KPNA4: variants seen among roughly 807,000 people sequenced by gnomAD.
KPNA4 encodes the protein karyopherin subunit alpha 4, also known as importin subunit alpha-3.
A neutral mutation model predicts 71.3 loss-of-function variants in KPNA4; 13 were observed. That is an observed-to-expected ratio of 0.18 (90% CI 0.12 to 0.29). KPNA4 has a LOEUF of 0.29. Ranked by LOEUF, KPNA4 falls within the 10% of genes least tolerant of loss-of-function variation. The probability of loss-of-function intolerance (pLI) is 1.00; values close to 1 mark genes in which losing one functional copy is unlikely to be tolerated. For missense variants in KPNA4, 334 were observed against 603.2 expected (o/e 0.55, Z 4.67); for synonymous variants, 189 against 195.2 (o/e 0.97, Z 0.26).
At chr3:160,546,574 G>C (rs1210973484) in intron 1 of KPNA4, among the ~76,000 whole-genome samples, 1 of 152,170 alleles carries the variant, frequency 6.6e-6, no homozygotes. Context: ...TATTTTTTAA[G>C]GAACCACAAT....
intron 14 of KPNA4, among the ~76,000 whole-genome samples, chr3:160,509,501 T>C (rs1007461303): frequency 2.6e-5 from 4 of 152,214 alleles, no homozygotes; most frequent in Admixed American, 6.5e-5. Context: ...AGAACACTTC[T>C]ATGAAGTATG....
chr3:160,556,519 CATT>C lies in KPNA4; in HGVS notation c.69+8692_69+8694del, dbSNP rs1279547932. On this transcript the variant is annotated intron_variant, in intron 1 of 16. Transcript: ENST00000334256. Reference sequence around the variant, plus strand: ...TATTGGTCTTAATTAAACTTTTCATCATTGAGTATCCCTTATGTGAAATGCTTG... The same window carrying C: ...TATTGGTCTTAATTAAACTTTTCATCGAGTATCCCTTATGTGAAATGCTTG... 4.6e-5 allele frequency among the ~76,000 whole-genome samples: 7 copies of C among 152,260 alleles called. No individual in the cohort carries two copies. In the East Asian group the frequency reaches 1.4e-3, roughly 29 times the overall value.
chr3:160,528,944 T>C (rs1721515068), intron 7 of KPNA4, among the ~76,000 whole-genome samples: 1 of 152,208 alleles, frequency 6.6e-6, no homozygotes, highest in African/African-American at 2.4e-5. Context: ...GGGTTTGTTT[T>C]TGAGATAGTG....
At chr3:160,531,106 C>T (rs925119763) in intron 6 of KPNA4, among the ~76,000 whole-genome samples, 166 bp from the exon 7 acceptor site, 1 of 152,140 alleles carries the variant, frequency 6.6e-6, no homozygotes, top group African/African-American at 2.4e-5. Context: ...TAAAACATCT[C>T]TTCAGTATAA....
At chr3:160,555,970 C>T (rs2366969) in intron 1 of KPNA4, among the ~76,000 whole-genome samples, 81,216 of 151,940 alleles carry the variant, frequency 0.53, 22,233 homozygotes, top group African/African-American at 0.57. Flanking sequence ...TAGCTGGGAT[C>T]ACAGGCATGC....
Position 160,565,465 on chromosome 3 carries a change from C to A in KPNA4, c.-183G>T. The stretch of plus-strand genomic sequence containing the variant: ...TCTCCTCTCCCCGCCCGCCCCCCCG[C>A]CCTAACCCCAGCGCGACTGCAGCTC... On this transcript the variant is annotated 5_prime_UTR_variant, in exon 1 of 17. Coordinates refer to ENST00000334256, the MANE Select transcript of KPNA4 (RefSeq NM_002268.5). 1 of 581,132 alleles carries A rather than the reference C, an allele frequency of 1.7e-6. No individual in the cohort carries two copies. The highest frequency in any genetic ancestry group is 3.0e-6 in the Non-Finnish European group (1 of 331,782). 36.0% of individuals were successfully genotyped at this position (581,132 alleles called of 1,614,324 possible). A position where few individuals can be genotyped will look rare whatever the true frequency, so the allele number is the denominator to read the frequency against.
At chr3:160,551,922 T>C (rs1722047075) in intron 1 of KPNA4, among the ~76,000 whole-genome samples, 1 of 133,018 alleles carries the variant, frequency 7.5e-6, no homozygotes. Context: ...CTGAAGACTG[T>C]TCTTGGTTGT....
chr3:160,526,095 TG>T lies in KPNA4; in HGVS notation c.568del (p.Gln190SerfsTer7). On this transcript the variant is annotated frameshift_variant, in exon 9 of 17. Coordinates refer to ENST00000334256, the MANE Select transcript of KPNA4 (RefSeq NM_002268.5). LOFTEE classifies it high-confidence loss of function. The part of the protein sequence containing the change: ...ALGNIIGDGP[Q>X]CRDYVISLGV... ...AAGACTTATGACATAATCTCTACACTGGGGCCCATCACCTGTAGAAAAAAAG... is the reference window on the plus strand; with the variant it reads ...AAGACTTATGACATAATCTCTACACTGGGCCCATCACCTGTAGAAAAAAAG... 6.5e-7 allele frequency: 1 copy of T among 1,545,608 alleles called. No homozygotes were observed. Among genetic ancestry groups the T allele is most frequent in the Admixed American group, 2.1e-5 (1 of 47,976 alleles).
intron 5 of KPNA4, among the ~76,000 whole-genome samples, chr3:160,534,609 T>C (rs887942104): frequency 1.3e-4 from 19 of 149,332 alleles, no homozygotes; most frequent in Admixed American, 8.8e-4. Context: ...TCCCATCTAC[T>C]TGGGAGGCTG....
chr3:160,543,369 C>A, intron 1 of KPNA4, among the ~76,000 whole-genome samples: 2 of 151,992 alleles, frequency 1.3e-5, no homozygotes, highest in Non-Finnish European at 2.9e-5. Context: ...GAGACAGAAT[C>A]TCACTCTGTC....
intron 11 of KPNA4, among the ~76,000 whole-genome samples, chr3:160,517,343 T>C (rs962876733): frequency 6.6e-6 from 1 of 152,136 alleles, no homozygotes; most frequent in Non-Finnish European, 1.5e-5. Context: ...GAATGTATCA[T>C]ATTTTATTTA....
chr3:160,509,760 T>G, intron 14 of KPNA4, 40 bp downstream of exon 14: 1 of 1,231,192 alleles, frequency 8.1e-7, no homozygotes, highest in Non-Finnish European at 1.2e-6. Context: ...ACTTTTATTT[T>G]ACCAGTTTTG....
intron 1 of KPNA4, among the ~76,000 whole-genome samples, chr3:160,544,368 C>T (rs1345894546): frequency 1.3e-5 from 2 of 152,234 alleles, no homozygotes; most frequent in South Asian, 2.1e-4. Flanking sequence ...TTATAGAAGG[C>T]GACTGAGGAC....
intron 1 of KPNA4, among the ~76,000 whole-genome samples, chr3:160,542,749 C>G (rs2108556358): frequency 6.6e-6 from 1 of 152,118 alleles, no homozygotes; most frequent in Non-Finnish European, 1.5e-5. Context: ...TTAATGGACA[C>G]TGAGCATAAG....
chr3:160,501,154 A>C lies in KPNA4; in HGVS notation c.*950T>G, dbSNP rs1233224127. 1 of 152,472 alleles carries C rather than the reference A, an allele frequency of 6.6e-6. No homozygotes were observed. The highest frequency in any genetic ancestry group is 2.4e-5 in the African/African-American group (1 of 41,380). The allele number at this position is 152,472 out of a possible 1,614,324, so 9.4% of individuals were successfully genotyped here. A position where few individuals can be genotyped will look rare whatever the true frequency, so the allele number is the denominator to read the frequency against. On this transcript the variant is annotated 3_prime_UTR_variant, in exon 17 of 17. Coordinates refer to ENST00000334256, the MANE Select transcript of KPNA4 (RefSeq NM_002268.5). The stretch of plus-strand genomic sequence containing the variant: ...AAATCTACACAAATTAGTTTTGATG[A>C]TATGGAAAGCTTTTCATAGCATCAA...
intron 14 of KPNA4, 104 bp downstream of exon 14, chr3:160,509,694 GGT>G: frequency 1.2e-6 from 1 of 848,878 alleles, no homozygotes; most frequent in African/African-American, 1.7e-5. Flanking sequence ...GGCCTCCCAG[GGT>G]GTTGCTATTA....
At chr3:160,529,905 G>A (rs539659284) in intron 7 of KPNA4, among the ~76,000 whole-genome samples, 3 of 150,568 alleles carry the variant, frequency 2.0e-5, no homozygotes, top group Admixed American at 6.6e-5. Flanking sequence ...CGAGGCAGGC[G>A]GATCATGAGG....
intron 1 of KPNA4, among the ~76,000 whole-genome samples, chr3:160,564,937 G>C (rs1184638060): frequency 6.8e-6 from 1 of 146,008 alleles, no homozygotes; most frequent in Non-Finnish European, 1.5e-5. Context: ...TCCCCGCCGC[G>C]CGGCCCGGCC....
chr3:160,543,551 T>C (rs1319700405), intron 1 of KPNA4, among the ~76,000 whole-genome samples: 1 of 152,148 alleles, frequency 6.6e-6, no homozygotes, highest in Non-Finnish European at 1.5e-5. Context: ...CAGGCTAGTC[T>C]CGAACTCCTG....
Sources: gnomAD v4.1 joint callset for allele counts (sites outside exome capture counted in the v4.1 genomes callset) on GRCh38, gnomAD v4.1.1 for gene constraint, MANE v1.5 for transcripts, NCBI Gene and HGNC (gene_info 2026-07-23, HGNC 2026-07-21) for gene names.